VPS8: variants seen among roughly 807,000 people sequenced by gnomAD.
VPS8 encodes the protein vacuolar protein sorting-associated protein 8 homolog.
A neutral mutation model predicts 216.4 loss-of-function variants in VPS8; 129 were observed. The observed-to-expected ratio is 0.60, with a 90% CI of 0.52 to 0.69. The LOEUF (loss-of-function observed/expected upper bound fraction) is 0.69, where lower values mean the gene tolerates loss of function less well. Ranked by LOEUF, VPS8 falls within the 30% of genes least tolerant of loss-of-function variation. The pLI, the probability that VPS8 is intolerant of heterozygous loss-of-function variation, is 0.00. For missense variants in VPS8, 1,531 were observed against 1,683.5 expected, an observed-to-expected ratio of 0.91 and a Z score of 1.59; for synonymous variants, 571 against 565.4, an observed-to-expected ratio of 1.01 and a Z score of -0.14.
chr3:184,992,368 T>C (rs1377156563), intron 42 of VPS8, among the ~76,000 whole-genome samples: 2 of 152,206 alleles, frequency 1.3e-5, no homozygotes, highest in Admixed American at 1.3e-4. Context: ...GAAACCCATA[T>C]TTTCAAGCAA....
chr3:184,938,213 C>T (rs1268280584), intron 35 of VPS8, among the ~76,000 whole-genome samples: 2 of 152,142 alleles, frequency 1.3e-5, no homozygotes, highest in Non-Finnish European at 2.9e-5. Context: ...TTAAAAACAA[C>T]TCCCAGATAT....
chr3:185,007,812 C>A (rs1302279632), intron 45 of VPS8, among the ~76,000 whole-genome samples: 2 of 152,156 alleles, frequency 1.3e-5, no homozygotes, highest in African/African-American at 4.8e-5. Flanking sequence ...GAAGTATGAA[C>A]AACTTCCAAG....
intron 20 of VPS8, 124 bp from the exon 21 acceptor site, chr3:184,870,592 A>T: frequency 1.3e-6 from 1 of 749,898 alleles, no homozygotes; most frequent in Non-Finnish European, 2.1e-6. Flanking sequence ...AAATAAAGCC[A>T]CTAAAATTTT....
At chr3:184,828,203 G>A (rs762687030) in intron 3 of VPS8, among the ~76,000 whole-genome samples, 2 of 152,046 alleles carry the variant, frequency 1.3e-5, no homozygotes, top group African/African-American at 2.4e-5. Flanking sequence ...GCAATGGCAC[G>A]ATCTTGGCTC....
In VPS8 at chr3:184,895,055, A is replaced by G; in HGVS notation, c.2004+130A>G. 3 of 729,814 alleles carry G rather than the reference A, an allele frequency of 4.1e-6. 1 individual carries two copies. In the South Asian group the frequency reaches 6.1e-5, roughly 15 times the overall value. 45.2% of individuals were successfully genotyped at this position (729,814 alleles called of 1,614,324 possible). ...TTATTTATTGAGCACTTTTTGTAAG[A>G]TGTATTATAAACTTGTATTTGTCAA... On this transcript the variant is annotated intron_variant, in intron 23 of 47. Transcript: ENST00000625842.
At chr3:184,943,971 G>A (rs1159931976) in intron 36 of VPS8, among the ~76,000 whole-genome samples, 4 of 152,028 alleles carry the variant, frequency 2.6e-5, no homozygotes, top group African/African-American at 9.7e-5. Context: ...GCGTGGTCAC[G>A]CACACCTGTA....
chr3:185,037,848 TTA>T (rs1388576533), intron 46 of VPS8, among the ~76,000 whole-genome samples: 1 of 152,210 alleles, frequency 6.6e-6, no homozygotes, highest in Non-Finnish European at 1.5e-5. Flanking sequence ...CTATTTGATG[TTA>T]TATTGTCATC....
At chr3:184,848,904 C>A (rs1723704992) in intron 8 of VPS8, 167 bp from the exon 9 acceptor site, 2 of 660,210 alleles carry the variant, frequency 3.0e-6, no homozygotes, top group African/African-American at 1.9e-5. Flanking sequence ...TAATTCAACG[C>A]CCAGCATCTG....
chr3:185,047,632 G>A (rs753851879), intron 46 of VPS8, among the ~76,000 whole-genome samples: 1 of 152,148 alleles, frequency 6.6e-6, no homozygotes, highest in Non-Finnish European at 1.5e-5. Flanking sequence ...AGAAAAGCTA[G>A]CGTATACTGA....
chr3:184,848,904 C>T, intron 8 of VPS8, 167 bp from the exon 9 acceptor site: 1 of 660,210 alleles, frequency 1.5e-6, no homozygotes. Flanking sequence ...TAATTCAACG[C>T]CCAGCATCTG....
At chr3:184,910,153 GA>G (rs1223874797) in intron 25 of VPS8, among the ~76,000 whole-genome samples, 3 of 108,380 alleles carry the variant, frequency 2.8e-5, no homozygotes, top group Non-Finnish European at 5.4e-5. Flanking sequence ...TTTTTTTTGA[GA>G]CGGAGTCTCA....
chr3:184,965,832 G>A (rs1256283257), intron 38 of VPS8, among the ~76,000 whole-genome samples: 2 of 152,168 alleles, frequency 1.3e-5, no homozygotes, highest in African/African-American at 4.8e-5. Flanking sequence ...TGAACTGGGT[G>A]TGTCAGTGGC....
chr3:185,024,297 A>G (rs1413591680), intron 45 of VPS8, 39 bp from the exon 46 acceptor site: 7 of 1,547,404 alleles, frequency 4.5e-6, no homozygotes, highest in Non-Finnish European at 6.1e-6. Flanking sequence ...ACTAGACTAT[A>G]ACTGAAAGGG....
chr3:184,988,985 C>A (rs556295536), intron 42 of VPS8, among the ~76,000 whole-genome samples: 2 of 152,268 alleles, frequency 1.3e-5, no homozygotes, highest in East Asian at 1.9e-4. Context: ...TGTATAATAA[C>A]CTTGTATCCT....
At chr3:184,842,186 CAAAAAAAAAAAA>C (rs71162267) in intron 7 of VPS8, among the ~76,000 whole-genome samples, 1 of 48,992 alleles carries the variant, frequency 2.0e-5, no homozygotes, top group Non-Finnish European at 3.5e-5. Context: ...GACTCCGTCT[CAAAAAAAAAAAA>C]AAAAAAAAAA....
intron 46 of VPS8, among the ~76,000 whole-genome samples, chr3:185,026,031 A>G (rs1757295860): frequency 6.6e-6 from 1 of 152,178 alleles, no homozygotes; most frequent in South Asian, 2.1e-4. Flanking sequence ...ACTAGTATTA[A>G]AATGCAGGTC....
chr3:184,898,310 G>T (rs1259067261), intron 23 of VPS8, among the ~76,000 whole-genome samples: 1 of 152,090 alleles, frequency 6.6e-6, no homozygotes, highest in East Asian at 1.9e-4. Context: ...AATATAGAAA[G>T]GGGAAGGATA....
At chr3:185,002,543 C>T (rs761475082) in intron 45 of VPS8, among the ~76,000 whole-genome samples, 2 of 152,088 alleles carry the variant, frequency 1.3e-5, no homozygotes, top group Non-Finnish European at 2.9e-5. Flanking sequence ...TTGGTGCACC[C>T]ATCACCCAAG....
At chr3:184,849,702 C>T (rs536808475) in intron 9 of VPS8, 4 of 512,720 alleles carry the variant, frequency 7.8e-6, no homozygotes, top group Non-Finnish European at 1.0e-5. Flanking sequence ...AGTATGAGAA[C>T]AACATTTAAA....
Sources: allele counts gnomAD v4.1 joint callset (sites outside exome capture counted in the v4.1 genomes callset), GRCh38; gene constraint gnomAD v4.1.1; transcripts MANE v1.5; gene names NCBI Gene and HGNC (gene_info 2026-07-23, HGNC 2026-07-21).